BCAS3: variants seen among roughly 807,000 people sequenced by gnomAD.
BCAS3 encodes BCAS3 microtubule associated cell migration factor.
In BCAS3, 53 loss-of-function variants were observed where a neutral mutation model predicts 116.1. The ratio of observed to expected loss-of-function variants is 0.46; its 90% CI spans 0.37 to 0.57. BCAS3 has a LOEUF of 0.57. Among genes scored for constraint, BCAS3 ranks in the 20% least tolerant of loss-of-function variants. The pLI, the probability that BCAS3 is intolerant of heterozygous loss-of-function variation, is 0.00. For synonymous variants in BCAS3, 391 were observed against 408.2 expected (o/e 0.96, Z 0.51); for missense variants, 917 against 1,165.4 (o/e 0.79, Z 3.10).
Position 61,015,882 on chromosome 17 carries a change from A to T in BCAS3, c.1618A>T (p.Thr540Ser). The change falls in exon 16 of 24, where the codon ACC (threonine) becomes TCC (serine). Residue 540 changes from threonine to serine, a missense_variant. By Grantham distance (58) the Thr-to-Ser change is moderately conservative. Around this residue, in one of 3 missense-constraint regions of BCAS3, gnomAD observed 807 missense variants for 1,026.0 expected, o/e 0.79. Transcript: ENST00000407086. Reference sequence around the variant, plus strand: ...AATCAAGCAGCCAATGACATTGGGGACCATCACCAAACGAACCGGGTAAGG... The same window carrying T: ...AATCAAGCAGCCAATGACATTGGGGTCCATCACCAAACGAACCGGGTAAGG... ...AQIKQPMTLG[T>S]ITKRTGKVKP... The T allele has an allele frequency of 8.1e-6, 13 of 1,614,124 alleles. No homozygotes were observed. Among genetic ancestry groups the T allele is most frequent in the East Asian group, 2.2e-5 (1 of 44,882 alleles).
intron 14 of BCAS3, among the ~76,000 whole-genome samples, chr17:60,985,537 T>C (rs546745924): frequency 6.6e-6 from 1 of 152,326 alleles, no homozygotes; most frequent in African/African-American, 2.4e-5. Flanking sequence ...GTAGGTCTTA[T>C]TTATTCTATT....
intron 23 of BCAS3, among the ~76,000 whole-genome samples, chr17:61,372,718 C>A (rs2059113996): frequency 1.3e-5 from 2 of 152,212 alleles, no homozygotes; most frequent in South Asian, 4.1e-4. Flanking sequence ...TCTGTGCATA[C>A]TTTTCCTTTT....
chr17:61,380,613 C>A lies in BCAS3; in HGVS notation c.2594-11364C>A. 5 of 1,572,720 alleles carry A rather than the reference C, an allele frequency of 3.2e-6. No individual in the cohort carries two copies. The highest frequency in any genetic ancestry group is 4.3e-6 in the Non-Finnish European group (5 of 1,157,956). On this transcript the variant is annotated intron_variant, in intron 23 of 23. Coordinates refer to ENST00000407086, the MANE Select transcript of BCAS3 (RefSeq NM_017679.5). This position sits in a 1 kb window ranked among gnomAD's most constrained non-coding sequence, Gnocchi z 4.2. ...CTTTGCCTATGTGGAAGGGGTTGTC[C>A]CGTTGCTTCTTTTGTCCCTCAAGAG...
intron 13 of BCAS3, among the ~76,000 whole-genome samples, chr17:60,940,587 G>T (rs1486105724): frequency 6.6e-6 from 1 of 152,092 alleles, no homozygotes; most frequent in Admixed American, 6.6e-5. Context: ...TTGCTTTTGT[G>T]TTTACAAATT....
chr17:61,247,481 C>T (rs543412558), intron 22 of BCAS3, among the ~76,000 whole-genome samples: 2 of 152,158 alleles, frequency 1.3e-5, no homozygotes, highest in African/African-American at 2.4e-5. Flanking sequence ...GTACATGTCA[C>T]GATTTTTGCT....
chr17:61,040,473 A>G (rs562960389), intron 18 of BCAS3, among the ~76,000 whole-genome samples: 1 of 152,300 alleles, frequency 6.6e-6, no homozygotes, highest in African/African-American at 2.4e-5. Flanking sequence ...ATAAATTAGA[A>G]CTAGTTAGTT....
In BCAS3 at chr17:61,261,106, T is replaced by C. The variant is rs1408616744; in HGVS notation, c.2426-107221T>C. ...TTTGACACATTTTGCCTGGAAGTCATAGAAGAAGACTGAGGTGCCCCCATC... is the reference window on the plus strand; with the variant it reads ...TTTGACACATTTTGCCTGGAAGTCACAGAAGAAGACTGAGGTGCCCCCATC... On this transcript the variant is annotated intron_variant, in intron 22 of 23. Coordinates refer to ENST00000407086, the MANE Select transcript of BCAS3 (RefSeq NM_017679.5). The surrounding 1 kb of genome is among the most constrained non-coding windows in gnomAD (Gnocchi z 4.4). Among the ~76,000 whole-genome samples the C allele has an allele frequency of 4.6e-5, 7 of 152,180 alleles. No individual in the cohort carries two copies.
At chr17:61,036,573 T>A (rs1239248467) in intron 17 of BCAS3, among the ~76,000 whole-genome samples, 1 of 152,184 alleles carries the variant, frequency 6.6e-6, no homozygotes. Context: ...AACTTTCTAC[T>A]CCTTTATGTC....
At chr17:60,874,584 T>G in intron 8 of BCAS3, 78 bp from the exon 9 acceptor site, 1 of 949,868 alleles carries the variant, frequency 1.1e-6, no homozygotes, top group Non-Finnish European at 1.7e-6. Context: ...CTAGATGATA[T>G]AATGCATTTC....
At chr17:60,685,983 C>G (rs1007281848) in intron 3 of BCAS3, among the ~76,000 whole-genome samples, 3 of 151,846 alleles carry the variant, frequency 2.0e-5, no homozygotes, top group Non-Finnish European at 4.4e-5. Context: ...CATTCTGCTG[C>G]CTCAGCCTCC....
At position 60,829,264 on chromosome 17, in the gene BCAS3, G is replaced by T. The variant is rs574448825; in HGVS notation, c.476+21188G>T. Among the ~76,000 whole-genome samples the T allele has an allele frequency of 3.3e-5, 5 of 152,242 alleles. No homozygotes were observed. In the East Asian group the frequency reaches 9.6e-4, roughly 29 times the overall value. ...AATCCCAGCACTTTGGGAGGCTGAG[G>T]TGGGTGGATCATGAGGTCAGGAGTT... On this transcript the variant is annotated intron_variant, in intron 7 of 23. Coordinates refer to ENST00000407086, the MANE Select transcript of BCAS3 (RefSeq NM_017679.5).
chr17:60,865,747 A>G (rs1345872435), intron 7 of BCAS3, among the ~76,000 whole-genome samples: 2 of 152,134 alleles, frequency 1.3e-5, no homozygotes, highest in African/African-American at 2.4e-5. Flanking sequence ...GATGCTTTAA[A>G]TTTATTTATC....
At chr17:60,814,306 T>TGTGTGTGCGCGCGCGCGTGTGCGC (rs368289350) in intron 7 of BCAS3, among the ~76,000 whole-genome samples, 10 of 148,302 alleles carry the variant, frequency 6.7e-5, no homozygotes, top group African/African-American at 1.8e-4. Context: ...TGTGTGTGTG[T>TGTGTGTGCGCGCGCGCGTGTGCGC]GCGCGCGTGC....
intron 7 of BCAS3, among the ~76,000 whole-genome samples, chr17:60,842,388 C>T (rs1285990729): frequency 6.6e-6 from 1 of 152,060 alleles, no homozygotes; most frequent in Admixed American, 6.6e-5. Flanking sequence ...GTTACTACTA[C>T]ATAACGTATC....
rs201580032 is a variant in BCAS3 at position 61,276,354 on chromosome 17, A to AAAAC, written c.2426-91953_2426-91950dup. Among the ~76,000 whole-genome samples, 10 of 152,152 alleles carry AAAAC rather than the reference A, an allele frequency of 6.6e-5. No homozygotes were observed. The highest frequency in any genetic ancestry group is 2.1e-4 in the South Asian group (1 of 4,832). ...GGCTACAGGACGAGACTCCATCTCA[A>AAAAC]AAACAAACAAACAAACAAACAAAAA... On this transcript the variant is annotated intron_variant, in intron 22 of 23. Transcript: ENST00000407086. The surrounding 1 kb of genome is among the most constrained non-coding windows in gnomAD (Gnocchi z 4.2).
intron 19 of BCAS3, among the ~76,000 whole-genome samples, chr17:61,044,465 A>AAATATATATATATATATATATATATAT: frequency 1.7e-5 from 2 of 120,120 alleles, no homozygotes; most frequent in East Asian, 4.5e-4. Flanking sequence ...AAAAAAAAAA[A>AAATATATATATATATATATATATATAT]ATATATATAT....
rs1013127152 is a variant in BCAS3 at position 61,241,356 on chromosome 17, C to G, written c.2426-126971C>G. Among the ~76,000 whole-genome samples the G allele has an allele frequency of 6.6e-6, 1 of 151,982 alleles. No individual in the cohort carries two copies. The highest frequency in any genetic ancestry group is 6.6e-5 in the Admixed American group (1 of 15,238). Reference sequence around the variant, plus strand: ...GTTTCATCTTGTGACTTAAAACACACACACCTTAGCCAACTGTTTATGCTA... The same window carrying G: ...GTTTCATCTTGTGACTTAAAACACAGACACCTTAGCCAACTGTTTATGCTA... On this transcript the variant is annotated intron_variant, in intron 22 of 23. Coordinates refer to ENST00000407086, the MANE Select transcript of BCAS3 (RefSeq NM_017679.5). This position sits in a 1 kb window ranked among gnomAD's most constrained non-coding sequence, Gnocchi z 4.6.
chr17:61,176,535 A>G (rs918198794), intron 22 of BCAS3, among the ~76,000 whole-genome samples: 43 of 147,384 alleles, frequency 2.9e-4, no homozygotes, highest in African/African-American at 9.6e-4. Context: ...CTATTTATTT[A>G]TTTATTTATT....
Position 60,808,074 on chromosome 17 carries a change from T to A in BCAS3, c.474T>A (p.Ser158=). Reference sequence around the variant, plus strand: ...GTGTTTGTAAGAGCATTGGATCTTCTGGGTAAGGAAATTTTAAAAATTCTT... The same window carrying A: ...GTGTTTGTAAGAGCATTGGATCTTCAGGGTAAGGAAATTTTAAAAATTCTT... The part of the protein sequence containing the change: ...LLGVCKSIGS[S]GTSPPYCCVD... The change falls in exon 7 of 24, where the codon TCT becomes TCA. Residue 158 remains serine (S), a splice_region_variant and synonymous_variant. Coordinates refer to ENST00000407086, the MANE Select transcript of BCAS3 (RefSeq NM_017679.5). 1 of 1,593,936 alleles carries A rather than the reference T, an allele frequency of 6.3e-7. No individual in the cohort carries two copies. Among genetic ancestry groups the A allele is most frequent in the East Asian group, 2.2e-5 (1 of 44,634 alleles).
Sources: gnomAD v4.1 joint callset for allele counts (sites outside exome capture counted in the v4.1 genomes callset) on GRCh38, gnomAD v4.1.1 for gene constraint, gnomAD v4.1.1 regional missense constraint, Gnocchi (gnomAD v3.1) non-coding constraint, MANE v1.5 for transcripts, NCBI Gene and HGNC (gene_info 2026-07-23, HGNC 2026-07-21) for gene names.